The following HSP90B1 variants were observed in gnomAD, a reference collection of about 807,000 sequenced individuals.
HSP90B1 encodes endoplasmin.
HSP90B1 carries 27 observed loss-of-function variants against 100.4 expected under a neutral mutation model. The observed-to-expected ratio is 0.27, with a 90% CI of 0.20 to 0.37. The LOEUF (loss-of-function observed/expected upper bound fraction) is 0.37. Ranked by LOEUF, HSP90B1 falls within the 10% of genes least tolerant of loss-of-function variation. The pLI, the probability that HSP90B1 is intolerant of heterozygous loss-of-function variation, is 1.00. For missense variants in HSP90B1, 678 were observed against 960.5 expected (o/e 0.71, Z 3.89); for synonymous variants, 304 against 330.8 (o/e 0.92, Z 0.88).
chr12:103,944,409 T>C lies in HSP90B1; in HGVS notation c.2027+535T>C, dbSNP rs138762738. Among the ~76,000 whole-genome samples the C allele has an allele frequency of 1.1e-3, 171 of 152,298 alleles. 3 individuals are homozygous for C. The East Asian group carries it at 0.025, about 22-fold the overall frequency. ...TGGTACTCTTTATTTTCAAGAAATA[T>C]AGTATTTCAAGTTTATGTTTTAATG... On this transcript the variant is annotated intron_variant, in intron 14 of 17. Coordinates refer to ENST00000299767, the MANE Select transcript of HSP90B1 (RefSeq NM_003299.3).
intron 5 of HSP90B1, among the ~76,000 whole-genome samples, chr12:103,936,293 G>A (rs1244226802): frequency 1.3e-5 from 2 of 152,166 alleles, no homozygotes; most frequent in East Asian, 1.9e-4. Context: ...GAGCTATATG[G>A]TCTGTCACAT....
intron 5 of HSP90B1, among the ~76,000 whole-genome samples, chr12:103,936,256 G>C (rs75509943): frequency 9.9e-5 from 15 of 152,282 alleles, no homozygotes; most frequent in African/African-American, 3.6e-4. Flanking sequence ...GAAAGAAAGA[G>C]CCAGCTAGTA....
At chr12:103,932,108 C>G (rs1456855225) in intron 2 of HSP90B1, 169 bp from the exon 3 acceptor site, 1 of 543,852 alleles carries the variant, frequency 1.8e-6, no homozygotes, top group Non-Finnish European at 3.2e-6. Context: ...TTAAAGGTAG[C>G]CTACTGCTGT....
At position 103,943,460 on chromosome 12, in the gene HSP90B1, G is replaced by T; in HGVS notation, c.1890+141G>T. ...TTAATTAATGTAATTAAATTATTGG[G>T]AGAAAGCTTAAAACTTTCGACAATA... On this transcript the variant is annotated intron_variant, in intron 13 of 17. Coordinates refer to ENST00000299767, the MANE Select transcript of HSP90B1 (RefSeq NM_003299.3). The surrounding 1 kb of genome is among the most constrained non-coding windows in gnomAD (Gnocchi z 5.3). 1.2e-6 allele frequency: 1 copy of T among 821,018 alleles called. No homozygotes were observed. Among genetic ancestry groups the T allele is most frequent in the Non-Finnish European group, 1.9e-6 (1 of 529,554 alleles). 50.9% of individuals were successfully genotyped at this position (821,018 alleles called of 1,614,324 possible).
chr12:103,933,641 G>T (rs1479143139), intron 4 of HSP90B1, among the ~76,000 whole-genome samples: 1 of 152,212 alleles, frequency 6.6e-6, no homozygotes. Flanking sequence ...TTCTAGTAAA[G>T]AAATAGGCAA....
At chr12:103,933,876 A>G (rs1472003507) in intron 4 of HSP90B1, 80 bp from the exon 5 acceptor site, 2 of 1,155,982 alleles carry the variant, frequency 1.7e-6, no homozygotes, top group African/African-American at 3.1e-5. Flanking sequence ...GATGGGACCC[A>G]AAGCTGGTTA....
intron 14 of HSP90B1, among the ~76,000 whole-genome samples, chr12:103,945,301 C>T (rs1282246913): frequency 2.6e-5 from 4 of 152,050 alleles, no homozygotes; most frequent in Admixed American, 6.6e-5. Flanking sequence ...AGCCAGACTC[C>T]GTCTCTTTTT....
In HSP90B1 at chr12:103,938,339, G is replaced by T; in HGVS notation, c.856-1G>T. 1.3e-6 allele frequency: 2 copies of T among 1,545,344 alleles called. No homozygotes were observed. The highest frequency in any genetic ancestry group is 2.4e-5 in the South Asian group (2 of 82,816). On this transcript the variant is annotated splice_acceptor_variant, in intron 6 of 17. Coordinates refer to ENST00000299767, the MANE Select transcript of HSP90B1 (RefSeq NM_003299.3). LOFTEE classifies it high-confidence loss of function. The stretch of plus-strand genomic sequence containing the variant: ...TAACCATAATTCTCTTATTTCAACA[G>T]ACTGAAACTGTTGAGGAGCCCATGG...
At chr12:103,938,488 A>G (rs200792975) in intron 7 of HSP90B1, 29 bp downstream of exon 7, 53 of 1,599,856 alleles carry the variant, frequency 3.3e-5, no homozygotes, top group Non-Finnish European at 4.3e-5. Flanking sequence ...CCTGCATAAG[A>G]TATTGTTTAA....
intron 14 of HSP90B1, among the ~76,000 whole-genome samples, chr12:103,946,145 G>C (rs892512006): frequency 1.3e-5 from 2 of 152,094 alleles, no homozygotes; most frequent in African/African-American, 4.8e-5. Context: ...CTATTATACT[G>C]TATTGGGTTT....
Position 103,947,409 on chromosome 12 carries a change from TGAA to T in HSP90B1, c.2371_2373del (p.Glu791del), listed in dbSNP as rs5800607. 0.1 allele frequency: 169,110 copies of T among 1,613,114 alleles called. 10,703 individuals are homozygous for T. Among genetic ancestry groups the T allele is most frequent in the East Asian group, 0.32 (14,420 of 44,828 alleles). ...ATGAAGAAATGGATGTGGGAACAGA[TGAA>T]GAAGAAGAAACAGCAAAGGTATGGC... On this transcript the variant is annotated inframe_deletion, in exon 17 of 18. Transcript: ENST00000299767.
At chr12:103,935,197 C>G (rs559671847) in intron 5 of HSP90B1, among the ~76,000 whole-genome samples, 1 of 152,114 alleles carries the variant, frequency 6.6e-6, no homozygotes, top group African/African-American at 2.4e-5. Flanking sequence ...GAATAAAATA[C>G]GTCATTTAAG....
intron 5 of HSP90B1, among the ~76,000 whole-genome samples, chr12:103,935,094 A>G (rs186127702): frequency 6.6e-6 from 1 of 152,352 alleles, no homozygotes. Flanking sequence ...TTCCTCTTGA[A>G]AATATTCAAG....
At chr12:103,947,152 C>T (rs531665680) in intron 16 of HSP90B1, among the ~76,000 whole-genome samples, 159 bp from the exon 17 acceptor site, 1 of 152,330 alleles carries the variant, frequency 6.6e-6, no homozygotes, top group South Asian at 2.1e-4. Flanking sequence ...TCCTTTTTGC[C>T]TGCCTCCTTT....
At position 103,943,016 on chromosome 12, in the gene HSP90B1, G is replaced by A. The variant is rs1041599237; in HGVS notation, c.1645-58G>A. ...AATGTATAAACATAGCAGCTGCTAGGATAAACAAATACACCAGGGCCAGAC... is the reference window on the plus strand; with the variant it reads ...AATGTATAAACATAGCAGCTGCTAGAATAAACAAATACACCAGGGCCAGAC... On this transcript the variant is annotated intron_variant, in intron 12 of 17. Transcript: ENST00000299767. This position sits in a 1 kb window ranked among gnomAD's most constrained non-coding sequence, Gnocchi z 5.3. 5.0e-6 allele frequency: 8 copies of A among 1,592,360 alleles called. No individual in the cohort carries two copies. Among genetic ancestry groups the A allele is most frequent in the African/African-American group, 4.1e-5 (3 of 73,828 alleles).
chr12:103,939,670 C>G, intron 8 of HSP90B1, 45 bp downstream of exon 8: 1 of 833,296 alleles, frequency 1.2e-6, no homozygotes, highest in Non-Finnish European at 1.9e-6. Context: ...AATGAATAGA[C>G]AAAATATCAC....
At position 103,930,451 on chromosome 12, in the gene HSP90B1, CA is replaced by C. The variant is rs1195228850; in HGVS notation, c.-64del. The C allele has an allele frequency of 1.3e-6, 2 of 1,505,334 alleles. No homozygotes were observed. The highest frequency in any genetic ancestry group is 1.2e-5 in the South Asian group (1 of 81,000). The allele number at this position is 1,505,334 out of a possible 1,614,324, so 93.2% of individuals were successfully genotyped here. A position where few individuals can be genotyped will look rare whatever the true frequency, so the allele number is the denominator to read the frequency against. On this transcript the variant is annotated 5_prime_UTR_variant, in exon 1 of 18. Transcript: ENST00000299767. The surrounding 1 kb of genome is among the most constrained non-coding windows in gnomAD (Gnocchi z 4.4). The stretch of plus-strand genomic sequence containing the variant: ...GGCTGGAGGTGTGAGGATCCGAACC[CA>C]GGGGTGGGGGGTGGAGGCGGCTCCT...
Position 103,943,928 on chromosome 12 carries a change from G to A in HSP90B1, c.2027+54G>A. ...GGGCGTTGCCCCTTACCCAATCTTT[G>A]TTTTGGAGATAATACCAGCTTCAAT... On this transcript the variant is annotated intron_variant, in intron 14 of 17. Coordinates refer to ENST00000299767, the MANE Select transcript of HSP90B1 (RefSeq NM_003299.3). This position sits in a 1 kb window ranked among gnomAD's most constrained non-coding sequence, Gnocchi z 5.3. The A allele has an allele frequency of 6.5e-7, 1 of 1,541,474 alleles. No individual in the cohort carries two copies. The highest frequency in any genetic ancestry group is 8.8e-7 in the Non-Finnish European group (1 of 1,137,828).
In HSP90B1 at chr12:103,932,316, A is replaced by G. The variant is rs1793553924; in HGVS notation, c.192A>G (p.Ser64=). 6.2e-7 allele frequency: 1 copy of G among 1,612,868 alleles called. No homozygotes were observed. The highest frequency in any genetic ancestry group is 1.3e-5 in the African/African-American group (1 of 74,892). The change falls in exon 3 of 18, where the codon TCA becomes TCG. Residue 64 remains serine (S), a synonymous_variant. Coordinates refer to ENST00000299767, the MANE Select transcript of HSP90B1 (RefSeq NM_003299.3). The part of the protein sequence containing the change: ...EAIQLDGLNA[S]QIRELREKSE... ...TTCAGTTGGATGGATTAAATGCATCACAAATAAGAGAACTTAGAGAGAAGT... is the reference window on the plus strand; with the variant it reads ...TTCAGTTGGATGGATTAAATGCATCGCAAATAAGAGAACTTAGAGAGAAGT...
Sources: allele counts gnomAD v4.1 joint callset (sites outside exome capture counted in the v4.1 genomes callset), GRCh38; gene constraint gnomAD v4.1.1; non-coding constraint Gnocchi (gnomAD v3.1); transcripts MANE v1.5; gene names NCBI Gene and HGNC (gene_info 2026-07-23, HGNC 2026-07-21).